Variants in STK39 observed in about 807,000 individuals in gnomAD.
The protein encoded by STK39 is serine/threonine kinase 39.
In STK39, 20 loss-of-function variants were observed where a neutral mutation model predicts 77.8. The observed-to-expected ratio is 0.26, with a 90% CI of 0.18 to 0.37. The LOEUF is 0.37. STK39 is among the 10% of genes least tolerant of loss of function. The pLI is 1.00. For synonymous variants in STK39, 246 were observed against 234.1 expected (o/e 1.05, Z -0.47); for missense variants, 479 against 656.5 (o/e 0.73, Z 2.95).
intron 14 of STK39, among the ~76,000 whole-genome samples, chr2:168,035,536 T>A (rs530887359): frequency 6.6e-6 from 1 of 152,270 alleles, no homozygotes; most frequent in South Asian, 2.1e-4. Context: ...CAAGTCCATC[T>A]AGGAAGTAAG....
chr2:168,133,633 A>G (rs1687757581), intron 8 of STK39, among the ~76,000 whole-genome samples: 1 of 152,094 alleles, frequency 6.6e-6, no homozygotes, highest in Admixed American at 6.6e-5. Context: ...TTGGGAGGCC[A>G]GATCACTTGA....
chr2:167,965,371 A>G (rs553030885), intron 16 of STK39, among the ~76,000 whole-genome samples: 1 of 152,332 alleles, frequency 6.6e-6, no homozygotes, highest in Admixed American at 6.5e-5. Context: ...ACTAGAGTAG[A>G]CGCTGTCAGT....
In STK39 at chr2:168,141,209, T is replaced by C. The variant is rs571755074; in HGVS notation, c.629-451A>G. Among the ~76,000 whole-genome samples, 3 of 152,342 alleles carry C rather than the reference T, an allele frequency of 2.0e-5. No homozygotes were observed. In the East Asian group the frequency reaches 5.8e-4, roughly 29 times the overall value. The stretch of plus-strand genomic sequence containing the variant: ...TCATTATATATAGAAGTTAATTTTA[T>C]AAGAAGATGAATTAATTAGGCATAC... On this transcript the variant is annotated intron_variant, in intron 5 of 17. Coordinates refer to ENST00000355999, the MANE Select transcript of STK39 (RefSeq NM_013233.3).
At chr2:168,154,548 A>C (rs907812707) in intron 5 of STK39, among the ~76,000 whole-genome samples, 1 of 152,212 alleles carries the variant, frequency 6.6e-6, no homozygotes, top group Non-Finnish European at 1.5e-5. Flanking sequence ...GATGTTATTG[A>C]CCAAAACCTA....
chr2:167,972,878 G>C (rs1692387964), intron 16 of STK39, among the ~76,000 whole-genome samples: 1 of 151,860 alleles, frequency 6.6e-6, no homozygotes, highest in South Asian at 2.1e-4. Flanking sequence ...GGTCTTTTTG[G>C]GATCCAAGAT....
intron 10 of STK39, among the ~76,000 whole-genome samples, chr2:168,092,823 A>G (rs550088874): frequency 6.6e-6 from 1 of 152,350 alleles, no homozygotes; most frequent in Non-Finnish European, 1.5e-5. Flanking sequence ...GATGGCTAAA[A>G]GCAGAAGGGC....
chr2:167,982,274 C>A (rs1056425656), intron 16 of STK39, among the ~76,000 whole-genome samples: 1 of 152,140 alleles, frequency 6.6e-6, no homozygotes, highest in African/African-American at 2.4e-5. Flanking sequence ...TTAAAAAGTG[C>A]ATTCTAATAA....
intron 1 of STK39, among the ~76,000 whole-genome samples, chr2:168,234,839 A>C (rs930246979): frequency 2.0e-5 from 3 of 151,156 alleles, no homozygotes; most frequent in African/African-American, 7.4e-5. Context: ...CTATTTATTT[A>C]TTCAGACATA....
rs5836174 is a variant in STK39, at chr2:168,162,286, C to CA, written c.573-445dup. 8.4e-4 allele frequency among the ~76,000 whole-genome samples: 72 copies of CA among 85,684 alleles called. 3 individuals are homozygous for CA. Among genetic ancestry groups the CA allele is most frequent in the Middle Eastern group, 6.2e-3 (1 of 162 alleles). The allele number at this position is 85,684 out of a possible 152,430, so 56.2% of individuals were successfully genotyped here. On this transcript the variant is annotated intron_variant, in intron 4 of 17. Transcript: ENST00000355999. Reference sequence around the variant, plus strand: ...GGGCAACAAGAGTGAAACTTGGTCTCAAAAAAAAAAAAAAAAAAAAAAAAA... The same window carrying CA: ...GGGCAACAAGAGTGAAACTTGGTCTCAAAAAAAAAAAAAAAAAAAAAAAAAA...
intron 1 of STK39, among the ~76,000 whole-genome samples, chr2:168,196,807 T>C (rs112549669): frequency 2.2e-4 from 33 of 152,198 alleles, no homozygotes; most frequent in African/African-American, 7.5e-4. Context: ...GATCTGAGCA[T>C]TCTAAGATGA....
intron 10 of STK39, among the ~76,000 whole-genome samples, chr2:168,118,620 AAAAC>A (rs1422245122): frequency 4.6e-5 from 7 of 150,892 alleles, no homozygotes; most frequent in African/African-American, 1.2e-4. Context: ...AAAAAAAAAA[AAAAC>A]AACAACTCAA....
chr2:168,247,569 C>T lies in STK39; in HGVS notation c.-134G>A, dbSNP rs1690974043. The T allele has an allele frequency of 5.7e-6, 4 of 702,018 alleles. No homozygotes were observed. The highest frequency in any genetic ancestry group is 2.0e-5 in the African/African-American group (1 of 51,050). 43.5% of individuals were successfully genotyped at this position (702,018 alleles called of 1,614,324 possible). On this transcript the variant is annotated 5_prime_UTR_variant, in exon 1 of 18. Coordinates refer to ENST00000355999, the MANE Select transcript of STK39 (RefSeq NM_013233.3). The stretch of plus-strand genomic sequence containing the variant: ...CCCGCCGCCGCCGCCGCCGTCCCCG[C>T]CGAAGCCAGCTAGGAGGGGAGGGAG...
At chr2:168,092,987 G>C (rs1686565369) in intron 10 of STK39, among the ~76,000 whole-genome samples, 1 of 152,082 alleles carries the variant, frequency 6.6e-6, no homozygotes, top group Non-Finnish European at 1.5e-5. Flanking sequence ...TCTCTCTCCA[G>C]GCCACCCTCT....
At chr2:168,043,210 T>TTATTCA (rs1312907525) in intron 14 of STK39, among the ~76,000 whole-genome samples, 1 of 152,194 alleles carries the variant, frequency 6.6e-6, no homozygotes, top group Non-Finnish European at 1.5e-5. Flanking sequence ...TTAACTTGGT[T>TTATTCA]TATTCATTTT....
intron 15 of STK39, among the ~76,000 whole-genome samples, chr2:168,013,302 A>G (rs1382383619): frequency 6.6e-6 from 1 of 152,226 alleles, no homozygotes; most frequent in African/African-American, 2.4e-5. Flanking sequence ...TTTCTCAATG[A>G]TAAGTGACAG....
At chr2:168,175,803 A>T (rs1242633521) in intron 2 of STK39, among the ~76,000 whole-genome samples, 1 of 152,234 alleles carries the variant, frequency 6.6e-6, no homozygotes, top group East Asian at 1.9e-4. Flanking sequence ...GTTGCAAGAA[A>T]AAGATAACAG....
At chr2:168,225,898 G>A (rs757971969) in intron 1 of STK39, among the ~76,000 whole-genome samples, 1 of 152,136 alleles carries the variant, frequency 6.6e-6, no homozygotes, top group Non-Finnish European at 1.5e-5. Context: ...GCAGTCAGGT[G>A]TTCTATGAAG....
intron 5 of STK39, among the ~76,000 whole-genome samples, chr2:168,145,937 G>C (rs1031682731): frequency 1.3e-5 from 2 of 152,120 alleles, no homozygotes; most frequent in African/African-American, 4.8e-5. Context: ...GTTAGAAATG[G>C]GCTTTCACTG....
At chr2:168,115,129 C>A (rs1687225203) in intron 10 of STK39, among the ~76,000 whole-genome samples, 1 of 152,116 alleles carries the variant, frequency 6.6e-6, no homozygotes, top group Admixed American at 6.5e-5. Flanking sequence ...CTCAAGGTTG[C>A]AGAACCACCA....
Sources: allele counts gnomAD v4.1 joint callset (sites outside exome capture counted in the v4.1 genomes callset), GRCh38; gene constraint gnomAD v4.1.1; transcripts MANE v1.5; gene names NCBI Gene and HGNC (gene_info 2026-07-23, HGNC 2026-07-21).